PDS5A: variants seen among roughly 807,000 people sequenced by gnomAD.
PDS5A encodes the protein PDS5 cohesin associated factor A, also known as sister chromatid cohesion protein PDS5 homolog A.
PDS5A carries 42 observed loss-of-function variants against 167.1 expected under a neutral mutation model. The ratio of observed to expected loss-of-function variants is 0.25; its 90% confidence interval spans 0.20 to 0.33. PDS5A has a LOEUF of 0.33. Ranked by LOEUF, PDS5A falls within the 10% of genes least tolerant of loss-of-function variation. The pLI is 1.00. For synonymous variants in PDS5A, 553 were observed against 554.6 expected (o/e 1.00, Z 0.04); for missense variants, 1,033 against 1,605.9 (o/e 0.64, Z 6.10).
chr4:39,876,306 G>A (rs1181341634), intron 19 of PDS5A, among the ~76,000 whole-genome samples: 3 of 152,058 alleles, frequency 2.0e-5, no homozygotes, highest in East Asian at 1.9e-4. Flanking sequence ...AGAACAATGC[G>A]GAGAATGAAG....
At chr4:39,974,207 G>A in intron 2 of PDS5A, 1 of 573,098 alleles carries the variant, frequency 1.7e-6, no homozygotes, top group South Asian at 1.4e-5. Context: ...TGCTCAGGGT[G>A]CCAGACCTCA....
At position 39,899,851 on chromosome 4, in the gene PDS5A, TAAAAAAAAAA is replaced by T. The variant is rs532738160; in HGVS notation, c.1581+565_1581+574del. ...GGCAACAGAGTAAGATCCTGTGTAT[TAAAAAAAAAA>T]AAAAAAAAAAAAAAAAAAGTTTGCC... On this transcript the variant is annotated intron_variant, in intron 14 of 32. Transcript: ENST00000303538. Among the ~76,000 whole-genome samples the T allele has an allele frequency of 1.6e-4, 16 of 102,404 alleles. 1 individual carries two copies. The highest frequency in any genetic ancestry group is 5.3e-3 in the Middle Eastern group (1 of 190). The allele number at this position is 102,404 out of a possible 152,430, so 67.2% of individuals were successfully genotyped here. A position where few individuals can be genotyped will look rare whatever the true frequency, so the allele number is the denominator to read the frequency against.
intron 17 of PDS5A, among the ~76,000 whole-genome samples, chr4:39,884,388 T>G (rs1040706632): frequency 1.3e-5 from 2 of 152,186 alleles, no homozygotes; most frequent in Non-Finnish European, 2.9e-5. Context: ...GGCTTTCTAT[T>G]GAGCTGGGCC....
intron 10 of PDS5A, among the ~76,000 whole-genome samples, chr4:39,909,466 G>T (rs1223388673): frequency 6.6e-6 from 1 of 152,150 alleles, no homozygotes; most frequent in East Asian, 1.9e-4. Flanking sequence ...TCCTGGAAAA[G>T]TCAACTCACA....
At chr4:39,962,381 A>G (rs970829457) in intron 2 of PDS5A, among the ~76,000 whole-genome samples, 1 of 152,142 alleles carries the variant, frequency 6.6e-6, no homozygotes, top group African/African-American at 2.4e-5. Context: ...AAGGAAATCT[A>G]GAGTTCTTAC....
chr4:39,923,234 G>A (rs373355634), intron 5 of PDS5A, among the ~76,000 whole-genome samples: 12 of 150,842 alleles, frequency 8.0e-5, no homozygotes, highest in East Asian at 1.9e-4. Flanking sequence ...AGGCTAAGGC[G>A]GAAGAATCAC....
At chr4:39,835,157 C>G (rs305127) in intron 32 of PDS5A, among the ~76,000 whole-genome samples, 11,865 of 152,098 alleles carry the variant, frequency 0.078, 528 homozygotes, top group Middle Eastern at 0.18. Context: ...TCAGGCTGAT[C>G]TTGAACTCCT....
At chr4:39,918,434 AC>A (rs1724608281) in intron 7 of PDS5A, among the ~76,000 whole-genome samples, 1 of 152,156 alleles carries the variant, frequency 6.6e-6, no homozygotes, top group Admixed American at 6.6e-5. Flanking sequence ...AGCACTGCAC[AC>A]CACCGTCACA....
Position 39,928,001 on chromosome 4 carries a change from T to C in PDS5A, c.302A>G (p.Tyr101Cys). ...GGAAGTATATGGAGCTTCTGGGGCATAGATACGAAAGATATCAGCCAAACA... is the reference window on the plus strand; with the variant it reads ...GGAAGTATATGGAGCTTCTGGGGCACAGATACGAAAGATATCAGCCAAACA... The part of the protein sequence containing the change: ...ACCLADIFRI[Y>C]APEAPYTSHD... Residue 101 changes from tyrosine (Y) to cysteine (C), a missense_variant, in exon 3 of 33, where the codon TAT (tyrosine) becomes TGT (cysteine). By Grantham distance (194) the Tyr-to-Cys change is radical (BLOSUM62 -2). This residue lies in a region of PDS5A where 388 missense variants were observed against 615.1 expected (regional missense o/e 0.63). Transcript: ENST00000303538. 6.2e-7 allele frequency: 1 copy of C among 1,613,842 alleles called. No homozygotes were observed. Among genetic ancestry groups the C allele is most frequent in the Non-Finnish European group, 8.5e-7 (1 of 1,179,754 alleles).
intron 26 of PDS5A, among the ~76,000 whole-genome samples, chr4:39,853,777 A>T (rs1718311269): frequency 6.6e-6 from 1 of 152,182 alleles, no homozygotes; most frequent in Non-Finnish European, 1.5e-5. Flanking sequence ...GCCAATTTTT[A>T]AAAAAGATTT....
At chr4:39,907,687 C>T (rs1006801190) in intron 11 of PDS5A, among the ~76,000 whole-genome samples, 1 of 151,688 alleles carries the variant, frequency 6.6e-6, no homozygotes, top group African/African-American at 2.4e-5. Context: ...CCCGGGTTCA[C>T]GCCATTCTCC....
intron 21 of PDS5A, among the ~76,000 whole-genome samples, chr4:39,872,265 C>T (rs1228580372): frequency 5.4e-5 from 8 of 149,010 alleles, no homozygotes; most frequent in Non-Finnish European, 1.0e-4. Flanking sequence ...CAACCTCTGC[C>T]TTCTGGGTTC....
intron 17 of PDS5A, among the ~76,000 whole-genome samples, chr4:39,886,896 A>ATC (rs757334334): frequency 3.3e-5 from 5 of 151,648 alleles, no homozygotes; most frequent in African/African-American, 4.8e-5. Flanking sequence ...ATTATAAATA[A>ATC]GATTGCTTTC....
In PDS5A at chr4:39,898,532, T is replaced by A. The variant is rs774309547; in HGVS notation, c.1631-4A>T. On this transcript the variant is annotated splice_polypyrimidine_tract_variant and splice_region_variant and intron_variant, in intron 15 of 32. Coordinates refer to ENST00000303538, the MANE Select transcript of PDS5A (RefSeq NM_001100399.2). ...TTCCCGGGGTCAGGCAAATTCTCTA[T>A]AAAATTAAAAGAGAATCAATATTAG... The A allele has an allele frequency of 8.6e-6, 13 of 1,503,532 alleles. No homozygotes were observed. Among genetic ancestry groups the A allele is most frequent in the Admixed American group, 2.2e-5 (1 of 45,970 alleles). 93.1% of individuals were successfully genotyped at this position (1,503,532 alleles called of 1,614,324 possible). A position where few individuals can be genotyped will look rare whatever the true frequency, so the allele number is the denominator to read the frequency against.
rs569830748 is a variant in PDS5A at position 39,957,231 on chromosome 4, A to G, written c.138+19209T>C. Among the ~76,000 whole-genome samples, 7 of 152,190 alleles carry G rather than the reference A, an allele frequency of 4.6e-5. No individual in the cohort carries two copies. The South Asian group carries it at 1.5e-3, about 32-fold the overall frequency. ...CTTAACAAAATAAAATAATGGCATCAATTTACTATTAAGGTTTACTTAGGG... is the reference window on the plus strand; with the variant it reads ...CTTAACAAAATAAAATAATGGCATCGATTTACTATTAAGGTTTACTTAGGG... On this transcript the variant is annotated intron_variant, in intron 2 of 32. Transcript: ENST00000303538.
intron 20 of PDS5A, 109 bp downstream of exon 20, chr4:39,874,180 G>T: frequency 2.5e-6 from 2 of 812,454 alleles, no homozygotes; most frequent in South Asian, 1.9e-5. Flanking sequence ...TATAGTCTAA[G>T]GTAGGACTTC....
At chr4:39,832,768 T>C (rs1169277642) in intron 32 of PDS5A, among the ~76,000 whole-genome samples, 3 of 152,108 alleles carry the variant, frequency 2.0e-5, no homozygotes, top group Admixed American at 6.5e-5. Context: ...GGCAAGAGGA[T>C]TGCTTGAGCC....
At chr4:39,869,255 G>A in intron 22 of PDS5A, 139 bp downstream of exon 22, 1 of 651,424 alleles carries the variant, frequency 1.5e-6, no homozygotes. Flanking sequence ...AGGATCAGCT[G>A]AGCCCAGGAG....
intron 2 of PDS5A, among the ~76,000 whole-genome samples, chr4:39,959,817 G>A (rs532515476): frequency 3.4e-4 from 52 of 151,922 alleles, no homozygotes; most frequent in African/African-American, 1.2e-3. Flanking sequence ...TAGGCCAGGC[G>A]TGGTGGTTCA....
Sources: allele counts gnomAD v4.1 joint callset (sites outside exome capture counted in the v4.1 genomes callset), GRCh38; gene constraint gnomAD v4.1.1; regional missense constraint gnomAD v4.1.1; transcripts MANE v1.5; gene names NCBI Gene and HGNC (gene_info 2026-07-23, HGNC 2026-07-21).